Variants in JAKMIP1 observed in about 807,000 individuals in gnomAD.
The protein encoded by JAKMIP1 is janus kinase and microtubule interacting protein 1.
In JAKMIP1, 33 loss-of-function variants were observed where a neutral mutation model predicts 113.0. The ratio of observed to expected loss-of-function variants is 0.29; its 90% CI spans 0.22 to 0.39. JAKMIP1 has a LOEUF of 0.39. Among genes scored for constraint, JAKMIP1 ranks in the 10% least tolerant of loss-of-function variants. The pLI, the probability that JAKMIP1 is intolerant of heterozygous loss-of-function variation, is 1.00. For missense variants in JAKMIP1, 813 were observed against 1,080.5 expected, an observed-to-expected ratio of 0.75 and a Z score of 3.47; for synonymous variants, 480 against 459.9, an observed-to-expected ratio of 1.04 and a Z score of -0.56.
At position 6,109,112 on chromosome 4, in the gene JAKMIP1, T is replaced by A. The variant is rs182451104; in HGVS notation, c.130-3145A>T. Among the ~76,000 whole-genome samples the A allele has an allele frequency of 5.8e-3, 840 of 145,640 alleles. 14 individuals are homozygous for A. Among genetic ancestry groups the A allele is most frequent in the Non-Finnish European group, 9.7e-3 (646 of 66,672 alleles). On this transcript the variant is annotated intron_variant, in intron 2 of 20. Transcript: ENST00000409021. ...GCTGGGGTAGGAAATATACAAGATG[T>A]GCCTGGGGCACCTTTTTTTTTTTTT...
rs1429874111 is a variant in JAKMIP1, at chr4:6,051,552, T to G, written c.1807-873A>C. 1.3e-5 allele frequency among the ~76,000 whole-genome samples: 2 copies of G among 152,234 alleles called. No homozygotes were observed. Among genetic ancestry groups the G allele is most frequent in the Non-Finnish European group, 2.9e-5 (2 of 68,038 alleles). On this transcript the variant is annotated intron_variant, in intron 13 of 20. Transcript: ENST00000409021. This position sits in a 1 kb window ranked among gnomAD's most constrained non-coding sequence, Gnocchi z 5.0. Reference sequence around the variant, plus strand: ...ACCTCGCCCGGCCCCAAAGGCTGACTTTCTGTTCTTTCCAATACAATCTGC... The same window carrying G: ...ACCTCGCCCGGCCCCAAAGGCTGACGTTCTGTTCTTTCCAATACAATCTGC...
intron 1 of JAKMIP1, among the ~76,000 whole-genome samples, chr4:6,182,345 G>C (rs1035995019): frequency 6.8e-6 from 1 of 146,712 alleles, no homozygotes; most frequent in Non-Finnish European, 1.5e-5. Flanking sequence ...GGAGCTCAAA[G>C]CTGCAATGAA....
intron 8 of JAKMIP1, among the ~76,000 whole-genome samples, chr4:6,074,583 C>T (rs1220738100): frequency 6.6e-6 from 1 of 152,210 alleles, no homozygotes; most frequent in South Asian, 2.1e-4. Context: ...CCCACGAATA[C>T]TCAAATCCAT....
chr4:6,144,232 G>A (rs1347301273), intron 1 of JAKMIP1, among the ~76,000 whole-genome samples: 2 of 152,208 alleles, frequency 1.3e-5, no homozygotes, highest in African/African-American at 4.8e-5. Context: ...GTTGAACACA[G>A]TAGTATACTA....
At chr4:6,046,399 C>T (rs1037114279) in intron 16 of JAKMIP1, among the ~76,000 whole-genome samples, 2 of 152,258 alleles carry the variant, frequency 1.3e-5, no homozygotes, top group African/African-American at 4.8e-5. Context: ...TAAGTCTATT[C>T]CTCAAAGACG....
intron 3 of JAKMIP1, among the ~76,000 whole-genome samples, chr4:6,102,862 T>C (rs1043309758): frequency 1.3e-5 from 2 of 150,458 alleles, no homozygotes; most frequent in Non-Finnish European, 3.0e-5. Flanking sequence ...GCCTCCTGAG[T>C]AGCTGGGACT....
chr4:6,062,527 A>C (rs1262448498), intron 9 of JAKMIP1, 87 bp from the exon 10 acceptor site: 2 of 1,401,500 alleles, frequency 1.4e-6, no homozygotes, highest in Non-Finnish European at 2.0e-6. Context: ...ATAAACATAA[A>C]TAAACACTTG....
intron 1 of JAKMIP1, among the ~76,000 whole-genome samples, chr4:6,145,371 C>A (rs1282370423): frequency 2.0e-5 from 3 of 152,122 alleles, no homozygotes; most frequent in Non-Finnish European, 4.4e-5. Flanking sequence ...AGTGGAGGCA[C>A]CAAAATTTGA....
intron 1 of JAKMIP1, among the ~76,000 whole-genome samples, chr4:6,171,147 T>TCTC (rs1724612480): frequency 8.1e-6 from 1 of 123,160 alleles, no homozygotes; most frequent in Non-Finnish European, 1.7e-5. Flanking sequence ...AGCACCACCA[T>TCTC]CATCACCACC....
chr4:6,032,132 C>T lies in JAKMIP1; in HGVS notation c.2380-2351G>A, dbSNP rs148550190. Reference sequence around the variant, plus strand: ...GGTGAGTGACATGATCTCTCTGTGTCTGGACCCCTCTGCTGTAATGTCTGT... The same window carrying T: ...GGTGAGTGACATGATCTCTCTGTGTTTGGACCCCTCTGCTGTAATGTCTGT... On this transcript the variant is annotated intron_variant, in intron 19 of 20. Transcript: ENST00000409021. Among the ~76,000 whole-genome samples, 18 of 152,244 alleles carry T rather than the reference C, an allele frequency of 1.2e-4. 1 individual carries two copies. In the East Asian group the frequency reaches 3.5e-3, roughly 29 times the overall value.
intron 1 of JAKMIP1, among the ~76,000 whole-genome samples, chr4:6,127,679 C>A (rs551902253): frequency 6.6e-6 from 1 of 152,190 alleles, no homozygotes; most frequent in Non-Finnish European, 1.5e-5. Context: ...CAGGCCACAT[C>A]CCCCCTTCAC....
rs1158114092 is a variant in JAKMIP1, at chr4:6,050,614, G to A, written c.1872C>T (p.Ser624=). 15 of 1,575,822 alleles carry A rather than the reference G, an allele frequency of 9.5e-6. No individual in the cohort carries two copies. The highest frequency in any genetic ancestry group is 1.2e-5 in the Non-Finnish European group (14 of 1,160,278). ...QITTFPENHS[S]ALQLFCHQEG... ...CCTGGTGACAGAACAGCTGGAGAGC[G>A]CTGCTGTGGTTCTCGGGGAAGGTGG... is the stretch of plus-strand genomic sequence containing the variant. The change falls in exon 14 of 21, where the codon AGC becomes AGT. Residue 624 remains serine (S), a synonymous_variant. Transcript: ENST00000409021. The surrounding 1 kb of genome is among the most constrained non-coding windows in gnomAD (Gnocchi z 7.4).
In JAKMIP1 at chr4:6,084,984, A is replaced by AAG; in HGVS notation, c.835-20_835-19insCT. On this transcript the variant is annotated intron_variant, in intron 4 of 20. Transcript: ENST00000409021. ...GTTGATCCTAAAAAAAAAAAAAAAA[A>AAG]AAAAAAAAAAGTCAAGACGTAAATG... is the stretch of plus-strand genomic sequence containing the variant. 4 of 1,549,768 alleles carry AAG rather than the reference A, an allele frequency of 2.6e-6. No individual in the cohort carries two copies. The highest frequency in any genetic ancestry group is 3.5e-6 in the Non-Finnish European group (4 of 1,156,568).
rs187596588 is a variant in JAKMIP1 at position 6,078,171 on chromosome 4, C to T, written c.1302+768G>A. ...CGCTACTAAAAATACAAAATTTAGC[C>T]GGGCGTGGTGGCATGTGCCTGTAGT... is the stretch of plus-strand genomic sequence containing the variant. On this transcript the variant is annotated intron_variant, in intron 8 of 20. Coordinates refer to ENST00000409021, the MANE Select transcript of JAKMIP1 (RefSeq NM_001099433.2). Among the ~76,000 whole-genome samples, 13 of 152,108 alleles carry T rather than the reference C, an allele frequency of 8.5e-5. No individual in the cohort carries two copies. In the East Asian group the frequency reaches 2.1e-3, roughly 25 times the overall value.
intron 19 of JAKMIP1, among the ~76,000 whole-genome samples, chr4:6,032,061 C>T (rs1467905598): frequency 6.6e-6 from 1 of 152,158 alleles, no homozygotes; most frequent in Non-Finnish European, 1.5e-5. Context: ...GTGGCCTGAA[C>T]CCGGCTTGAA....
intron 3 of JAKMIP1, among the ~76,000 whole-genome samples, chr4:6,091,889 C>T (rs749904973): frequency 6.6e-6 from 1 of 152,144 alleles, no homozygotes; most frequent in Admixed American, 6.5e-5. Context: ...TTGTCACCTG[C>T]CTCCAGTCCC....
intron 12 of JAKMIP1, among the ~76,000 whole-genome samples, chr4:6,055,906 C>A (rs1716352122): frequency 6.7e-6 from 1 of 148,596 alleles, no homozygotes; most frequent in African/African-American, 2.5e-5. Context: ...ACAGGGCTGC[C>A]CTCCCCATTT....
intron 1 of JAKMIP1, among the ~76,000 whole-genome samples, chr4:6,121,199 C>CAA (rs33951121): frequency 0.69 from 88,511 of 128,304 alleles, 31,047 homozygotes; most frequent in East Asian, 0.93. Context: ...GACCTTGTCT[C>CAA]AAAAAAAAAA....
At chr4:6,165,262 T>C (rs1466427127) in intron 1 of JAKMIP1, among the ~76,000 whole-genome samples, 2 of 152,246 alleles carry the variant, frequency 1.3e-5, no homozygotes, top group Non-Finnish European at 2.9e-5. Flanking sequence ...ATCAGCATTA[T>C]TTAGCTAAAT....
Sources: allele counts gnomAD v4.1 joint callset (sites outside exome capture counted in the v4.1 genomes callset), GRCh38; gene constraint gnomAD v4.1.1; non-coding constraint Gnocchi (gnomAD v3.1); transcripts MANE v1.5; gene names NCBI Gene and HGNC (gene_info 2026-07-23, HGNC 2026-07-21).